Variants in CADM2 observed in about 807,000 individuals in gnomAD.
CADM2 encodes the protein immunoglobulin superfamily member 4D.
CADM2 carries 12 observed loss-of-function variants against 49.8 expected under a neutral mutation model. That is an observed-to-expected ratio of 0.24 (90% CI 0.15 to 0.39). CADM2 has a LOEUF of 0.39. Among genes scored for constraint, CADM2 ranks in the 10% least tolerant of loss-of-function variants. CADM2 has a pLI of 1.00. For missense variants in CADM2, 378 were observed against 492.3 expected (o/e 0.77, Z 2.20); for synonymous variants, 214 against 175.4 (o/e 1.22, Z -1.74).
chr3:85,402,692 G>A (rs2035174856), intron 1 of CADM2, among the ~76,000 whole-genome samples: 1 of 152,166 alleles, frequency 6.6e-6, no homozygotes, highest in Non-Finnish European at 1.5e-5. Flanking sequence ...TCCTCCTCAA[G>A]ACCAATTCAT....
At chr3:85,407,685 A>G (rs1482060145) in intron 1 of CADM2, among the ~76,000 whole-genome samples, 5 of 152,288 alleles carry the variant, frequency 3.3e-5, no homozygotes, top group Middle Eastern at 3.4e-3. Flanking sequence ...GATTGTGAAG[A>G]ATTAATGAGT....
intron 1 of CADM2, among the ~76,000 whole-genome samples, chr3:85,233,607 G>A (rs1286047111): frequency 6.6e-6 from 1 of 152,082 alleles, no homozygotes; most frequent in Non-Finnish European, 1.5e-5. Flanking sequence ...TATAACCAAT[G>A]ATGAAATATT....
chr3:85,524,684 A>T (rs1329768226), intron 1 of CADM2, among the ~76,000 whole-genome samples: 1 of 152,092 alleles, frequency 6.6e-6, no homozygotes, highest in Non-Finnish European at 1.5e-5. Context: ...CTTTACTGAT[A>T]TTATCTTAAT....
chr3:85,496,151 G>C (rs1277952220), intron 1 of CADM2, among the ~76,000 whole-genome samples: 1 of 152,140 alleles, frequency 6.6e-6, no homozygotes, highest in Non-Finnish European at 1.5e-5. Context: ...CCATCATGGA[G>C]ATAGTGAACA....
At chr3:85,021,529 C>T (rs1327700275) in intron 1 of CADM2, among the ~76,000 whole-genome samples, 3 of 152,138 alleles carry the variant, frequency 2.0e-5, no homozygotes, top group Non-Finnish European at 4.4e-5. Flanking sequence ...AATCCCAGCA[C>T]TTTGGGAGGC....
At chr3:85,628,552 C>CACACACATATATATACATATAT in intron 1 of CADM2, among the ~76,000 whole-genome samples, 1 of 146,222 alleles carries the variant, frequency 6.8e-6, no homozygotes, top group South Asian at 2.1e-4. Flanking sequence ...CATATATATA[C>CACACACATATATATACATATAT]ACACACATAT....
chr3:85,984,148 T>A (rs2108679012), intron 8 of CADM2, among the ~76,000 whole-genome samples: 1 of 150,270 alleles, frequency 6.7e-6, no homozygotes, highest in African/African-American at 2.4e-5. Flanking sequence ...ATATATTATA[T>A]ATCATATGTG....
At chr3:85,521,187 ATTT>A (rs1342431902) in intron 1 of CADM2, among the ~76,000 whole-genome samples, 1 of 152,108 alleles carries the variant, frequency 6.6e-6, no homozygotes, top group Non-Finnish European at 1.5e-5. Flanking sequence ...TAAAGCAGCT[ATTT>A]TAGAACAGAT....
intron 2 of CADM2, among the ~76,000 whole-genome samples, chr3:85,775,737 C>T (rs1204203468): frequency 2.0e-5 from 3 of 151,762 alleles, no homozygotes; most frequent in Non-Finnish European, 3.0e-5. Flanking sequence ...TATATACAAT[C>T]TGATACAATA....
At chr3:85,364,124 A>G (rs2032566210) in intron 1 of CADM2, among the ~76,000 whole-genome samples, 1 of 152,184 alleles carries the variant, frequency 6.6e-6, no homozygotes, top group Non-Finnish European at 1.5e-5. Context: ...GCTCTATTAA[A>G]ATATATTTTT....
intron 2 of CADM2, among the ~76,000 whole-genome samples, chr3:85,740,036 G>C (rs2068313291): frequency 6.6e-6 from 1 of 152,166 alleles, no homozygotes; most frequent in Admixed American, 6.5e-5. Context: ...ATGAGTAACA[G>C]TATTAGATGT....
intron 1 of CADM2, among the ~76,000 whole-genome samples, chr3:85,372,391 A>G (rs1338128127): frequency 4.1e-5 from 6 of 147,452 alleles, no homozygotes; most frequent in Admixed American, 7.0e-5. Flanking sequence ...GTGTATATAT[A>G]GATATATGTA....
intron 1 of CADM2, among the ~76,000 whole-genome samples, chr3:85,334,657 A>C (rs540282456): frequency 6.6e-6 from 1 of 151,722 alleles, no homozygotes; most frequent in East Asian, 1.9e-4. Flanking sequence ...GTTAAAGAAG[A>C]TTACAAAAAC....
chr3:85,382,740 T>C (rs2033974270), intron 1 of CADM2, among the ~76,000 whole-genome samples: 1 of 152,214 alleles, frequency 6.6e-6, no homozygotes, highest in South Asian at 2.1e-4. Flanking sequence ...TATTGGTATA[T>C]ACTAGTTACT....
chr3:85,373,508 A>C (rs180820005), intron 1 of CADM2, among the ~76,000 whole-genome samples: 1 of 152,014 alleles, frequency 6.6e-6, no homozygotes, highest in African/African-American at 2.4e-5. Context: ...CTTTGGGTGG[A>C]TCTACCATTC....
chr3:85,037,502 T>G (rs2035268912), intron 1 of CADM2, among the ~76,000 whole-genome samples: 1 of 152,214 alleles, frequency 6.6e-6, no homozygotes, highest in Non-Finnish European at 1.5e-5. Flanking sequence ...CTTAGTTGCT[T>G]TTGCAGGAGA....
intron 1 of CADM2, among the ~76,000 whole-genome samples, chr3:85,320,071 A>G (rs143998739): frequency 0.012 from 1,834 of 152,332 alleles, 18 homozygotes; most frequent in Non-Finnish European, 0.017. Context: ...TAATACAACA[A>G]TTCTCAGGAA....
intron 1 of CADM2, among the ~76,000 whole-genome samples, chr3:85,205,694 A>T (rs1022055693): frequency 6.6e-6 from 1 of 152,148 alleles, no homozygotes; most frequent in African/African-American, 2.4e-5. Flanking sequence ...ATATTATTTA[A>T]AAACTTTTCT....
intron 1 of CADM2, among the ~76,000 whole-genome samples, chr3:85,715,267 A>C (rs781533479): frequency 9.9e-5 from 15 of 152,206 alleles, no homozygotes; most frequent in Admixed American, 1.3e-4. Context: ...TGTTGGCTCA[A>C]AAATTTTTCA....
Sources: gnomAD v4.1 joint callset for allele counts (sites outside exome capture counted in the v4.1 genomes callset) on GRCh38, gnomAD v4.1.1 for gene constraint, MANE v1.5 for transcripts, NCBI Gene and HGNC (gene_info 2026-07-23, HGNC 2026-07-21) for gene names.